Variants in CD44 observed in about 807,000 individuals in gnomAD.
CD44 encodes the protein CD44 antigen.
CD44 carries 49 observed loss-of-function variants against 88.8 expected under a neutral mutation model. The ratio of observed to expected loss-of-function variants is 0.55; its 90% confidence interval spans 0.44 to 0.70. The LOEUF is 0.70. CD44 is among the 30% of genes least tolerant of loss of function. The pLI, the probability that CD44 is intolerant of heterozygous loss-of-function variation, is 0.00. For synonymous variants in CD44, 325 were observed against 312.3 expected, an observed-to-expected ratio of 1.04 and a Z score of -0.43; for missense variants, 883 against 913.8, an observed-to-expected ratio of 0.97 and a Z score of 0.43.
intron 4 of CD44, among the ~76,000 whole-genome samples, chr11:35,189,092 G>C (rs1379534974): frequency 6.6e-6 from 1 of 152,186 alleles, no homozygotes; most frequent in African/African-American, 2.4e-5. Context: ...CTTCTAGGGA[G>C]GAATAATGAA....
intron 1 of CD44, among the ~76,000 whole-genome samples, chr11:35,164,701 G>A (rs1191916407): frequency 6.6e-6 from 1 of 152,240 alleles, no homozygotes; most frequent in African/African-American, 2.4e-5. Flanking sequence ...TATCTCCTCT[G>A]CAGAGTGAGC....
chr11:35,143,437 A>T (rs566842554), intron 1 of CD44, among the ~76,000 whole-genome samples: 1 of 151,784 alleles, frequency 6.6e-6, no homozygotes, highest in South Asian at 2.1e-4. Context: ...CAATACACCT[A>T]GCACTCTCTT....
In CD44 at chr11:35,201,770, C is replaced by G. The variant is rs774013810; in HGVS notation, c.1136C>G (p.Pro379Arg). The G allele has an allele frequency of 1.9e-6, 3 of 1,613,718 alleles. No individual in the cohort carries two copies. Among genetic ancestry groups the G allele is most frequent in the Non-Finnish European group, 8.5e-7 (1 of 1,179,692 alleles). Residue 379 changes from proline to arginine, a missense_variant, in exon 9 of 18, where the codon CCA becomes CGA. Physicochemically the swap from Pro to Arg is moderately radical, Grantham distance 103 (BLOSUM62 -2). Around this residue, in one of 2 missense-constraint regions of CD44, gnomAD observed 631 missense variants for 590.9 expected, o/e 1.07. Coordinates refer to ENST00000428726, the MANE Select transcript of CD44 (RefSeq NM_000610.4). ...GAGCATCATGAGGAAGAAGAGACCC[C>G]ACATTCTACAAGCACAAGTAAGCAA... The part of the protein sequence containing the change: ...HHEHHEEEET[P>R]HSTSTIQATP...
chr11:35,211,365 G>A lies in CD44; in HGVS notation c.1726G>A (p.Val576Met), dbSNP rs1229934325. 3 of 1,613,982 alleles carry A rather than the reference G, an allele frequency of 1.9e-6. No homozygotes were observed. The highest frequency in any genetic ancestry group is 2.5e-6 in the Non-Finnish European group (3 of 1,179,924). The part of the protein sequence containing the change: ...HTKESRTFIP[V>M]TSAKTGSFGV... Reference sequence around the variant, plus strand: ...GAAGGAAAGCAGGACCTTCATCCCAGTGACCTCAGCTAAGACTGGGTCCTT... The same window carrying A: ...GAAGGAAAGCAGGACCTTCATCCCAATGACCTCAGCTAAGACTGGGTCCTT... Residue 576 changes from valine to methionine, a missense_variant, in exon 14 of 18, where the codon GTG (valine) becomes ATG (methionine). Coordinates refer to ENST00000428726, the MANE Select transcript of CD44 (RefSeq NM_000610.4).
Position 35,191,120 on chromosome 11 carries a change from C to T in CD44, c.667+1055C>T, listed in dbSNP as rs185408944. On this transcript the variant is annotated intron_variant, in intron 5 of 17. Transcript: ENST00000428726. ...TGGTGTGGATGTTCTCTTTTCCTGGCTATAGCTCCTGAGGGGTGAAACTTG... is the reference window on the plus strand; with the variant it reads ...TGGTGTGGATGTTCTCTTTTCCTGGTTATAGCTCCTGAGGGGTGAAACTTG... Among the ~76,000 whole-genome samples the T allele has an allele frequency of 2.5e-3, 383 of 152,280 alleles. 1 individual carries two copies. The highest frequency in any genetic ancestry group is 1.9e-3 in the Non-Finnish European group (131 of 68,030).
chr11:35,187,716 T>G (rs190039824), intron 4 of CD44, among the ~76,000 whole-genome samples: 11 of 152,324 alleles, frequency 7.2e-5, no homozygotes, highest in Middle Eastern at 3.4e-3. Context: ...TAGGGGCATT[T>G]TGGCCCTAAT....
chr11:35,170,000 G>A (rs971803056), intron 1 of CD44, among the ~76,000 whole-genome samples: 1 of 152,190 alleles, frequency 6.6e-6, no homozygotes, highest in Non-Finnish European at 1.5e-5. Context: ...CTACCTCATA[G>A]CATTTTTATG....
intron 1 of CD44, among the ~76,000 whole-genome samples, chr11:35,146,926 G>A (rs554779595): frequency 1.4e-4 from 22 of 152,284 alleles, no homozygotes; most frequent in Admixed American, 2.0e-4. Flanking sequence ...AAGTTGTAAT[G>A]GAAACTTCTG....
At position 35,230,649 on chromosome 11, in the gene CD44, A is replaced by G. The variant is rs1042027054; in HGVS notation, c.*1316A>G. ...TCAAAAGGTTAAAGGGATTCCCATC[A>G]TTGGAATCTTATCACCAGATAGGCA... is the stretch of plus-strand genomic sequence containing the variant. On this transcript the variant is annotated 3_prime_UTR_variant, in exon 18 of 18. Coordinates refer to ENST00000428726, the MANE Select transcript of CD44 (RefSeq NM_000610.4). 4.6e-5 allele frequency: 7 copies of G among 152,216 alleles called. No homozygotes were observed. The highest frequency in any genetic ancestry group is 1.7e-4 in the African/African-American group (7 of 41,458). 9.4% of individuals were successfully genotyped at this position (152,216 alleles called of 1,614,324 possible). A position where few individuals can be genotyped will look rare whatever the true frequency, so the allele number is the denominator to read the frequency against.
At chr11:35,198,449 CTT>C (rs1946973703) in intron 7 of CD44, 2 of 529,644 alleles carry the variant, frequency 3.8e-6, no homozygotes, top group Non-Finnish European at 3.3e-6. Context: ...CAAAATTTCT[CTT>C]GTCTCATGTT....
intron 4 of CD44, among the ~76,000 whole-genome samples, chr11:35,187,423 T>C (rs1453360919): frequency 6.6e-6 from 1 of 152,242 alleles, no homozygotes; most frequent in African/African-American, 2.4e-5. Context: ...CTTCAGTCAT[T>C]TGAAAACCAC....
intron 1 of CD44, among the ~76,000 whole-genome samples, chr11:35,156,048 T>C (rs1941821316): frequency 6.6e-6 from 1 of 152,234 alleles, no homozygotes; most frequent in East Asian, 1.9e-4. Flanking sequence ...CCAGAGCTGA[T>C]GTCCATGTCA....
chr11:35,211,516 C>A, intron 14 of CD44, 67 bp downstream of exon 14: 2 of 1,185,848 alleles, frequency 1.7e-6, no homozygotes, highest in Non-Finnish European at 2.5e-6. Flanking sequence ...TTTCATATTA[C>A]AGAGGACATT....
intron 17 of CD44, chr11:35,222,493 C>A (rs766617016): frequency 6.7e-6 from 8 of 1,202,460 alleles, no homozygotes; most frequent in African/African-American, 1.6e-5. Flanking sequence ...AAGACAGTCA[C>A]CTCGCTAGAA....
intron 5 of CD44, among the ~76,000 whole-genome samples, chr11:35,194,663 G>T: frequency 6.6e-6 from 1 of 152,160 alleles, no homozygotes; most frequent in Non-Finnish European, 1.5e-5. Flanking sequence ...ATAGGGTCTT[G>T]TACCACTTCA....
At chr11:35,168,156 A>G (rs922058501) in intron 1 of CD44, among the ~76,000 whole-genome samples, 2 of 152,178 alleles carry the variant, frequency 1.3e-5, no homozygotes, top group African/African-American at 4.8e-5. Flanking sequence ...ATAATATTCA[A>G]TAAGCTCAAA....
In CD44 at chr11:35,181,935, A is replaced by AATATATATTATATATTATAT. The variant is rs1565081063; in HGVS notation, c.367+1530_367+1531insATATATTATATATTATATAT. On this transcript the variant is annotated intron_variant, in intron 3 of 17. Coordinates refer to ENST00000428726, the MANE Select transcript of CD44 (RefSeq NM_000610.4). The stretch of plus-strand genomic sequence containing the variant: ...TATATTATATATTATATTATATATA[A>AATATATATTATATATTATAT]ATTATATATAATATATATAAATTTT... Among the ~76,000 whole-genome samples, 92 of 46,904 alleles carry AATATATATTATATATTATAT rather than the reference A, an allele frequency of 2.0e-3. 6 individuals carry two copies. The highest frequency in any genetic ancestry group is 7.6e-3 in the African/African-American group (85 of 11,184). 30.8% of individuals were successfully genotyped at this position (46,904 alleles called of 152,430 possible). A position where few individuals can be genotyped will look rare whatever the true frequency, so the allele number is the denominator to read the frequency against.
chr11:35,216,601 A>G (rs950349748), intron 15 of CD44, among the ~76,000 whole-genome samples: 1 of 152,088 alleles, frequency 6.6e-6, no homozygotes, highest in African/African-American at 2.4e-5. Context: ...CCTTTCCCAG[A>G]CTCAGTTTCC....
intron 1 of CD44, among the ~76,000 whole-genome samples, chr11:35,147,855 G>A (rs771824970): frequency 4.6e-5 from 7 of 152,116 alleles, no homozygotes; most frequent in Non-Finnish European, 5.9e-5. Flanking sequence ...TTGGGAGGCC[G>A]AGGCAGGCGG....
Sources: allele counts gnomAD v4.1 joint callset (sites outside exome capture counted in the v4.1 genomes callset), GRCh38; gene constraint gnomAD v4.1.1; regional missense constraint gnomAD v4.1.1; transcripts MANE v1.5; gene names NCBI Gene and HGNC (gene_info 2026-07-23, HGNC 2026-07-21).